The following CHRNB4 variants were observed in gnomAD, a reference collection of about 807,000 sequenced individuals.
CHRNB4 encodes the protein neuronal acetylcholine receptor subunit beta-4.
A neutral mutation model predicts 40.4 loss-of-function variants in CHRNB4; 23 were observed. That is an observed-to-expected ratio of 0.57 (90% CI 0.41 to 0.81). The LOEUF (loss-of-function observed/expected upper bound fraction) is 0.81. Among genes scored for constraint, CHRNB4 ranks in the 30% least tolerant of loss-of-function variants. The pLI, the probability that CHRNB4 is intolerant of heterozygous loss-of-function variation, is 0.00. For missense variants in CHRNB4, 568 were observed against 670.6 expected (o/e 0.85, Z 1.69); for synonymous variants, 285 against 274.4 (o/e 1.04, Z -0.38).
At chr15:78,649,476 A>G in intron 6 of CHRNB4, 2 of 441,546 alleles carry the variant, frequency 4.5e-6, no homozygotes, top group Non-Finnish European at 9.0e-6. Context: ...AAAGCACTAT[A>G]AAAAACAAAA....
At position 78,635,556 on chromosome 15, in the gene CHRNB4, C is replaced by A; in HGVS notation, c.87G>T (p.Lys29Asn). 6.2e-7 allele frequency: 1 copy of A among 1,614,176 alleles called. No individual in the cohort carries two copies. The highest frequency in any genetic ancestry group is 1.1e-5 in the South Asian group (1 of 91,084). ...TTTTGTTCAGAAGGTCGTCCATCAG[C>A]TTTTCCTCCGCATTGGCCACGCGGC... The part of the protein sequence containing the change: ...GNCRVANAEE[K>N]LMDDLLNKTR... The change falls in exon 2 of 6, where the codon AAG (lysine) becomes AAT (asparagine). Residue 29 changes from lysine to asparagine, a missense_variant. By Grantham distance (94) the Lys-to-Asn change is moderately conservative (BLOSUM62 0). This residue lies in a region of CHRNB4 where 161 missense variants were observed against 148.1 expected (regional missense o/e 1.09). Transcript: ENST00000261751.
chr15:78,633,511 A>C (rs2053879409), intron 2 of CHRNB4, among the ~76,000 whole-genome samples: 1 of 152,238 alleles, frequency 6.6e-6, no homozygotes, highest in Non-Finnish European at 1.5e-5. Flanking sequence ...AGGAGGGAGA[A>C]GAAGAATGCA....
At chr15:78,655,450 A>ATATATATC (rs952634645) in intron 5 of CHRNB4, 3 of 121,392 alleles carry the variant, frequency 2.5e-5, no homozygotes, top group Non-Finnish European at 5.4e-5. Flanking sequence ...ATCTATATCT[A>ATATATATC]TATATATCTA....
At chr15:78,659,668 T>A (rs1015856007) in intron 1 of CHRNB4, among the ~76,000 whole-genome samples, 5 of 152,164 alleles carry the variant, frequency 3.3e-5, no homozygotes, top group Non-Finnish European at 1.5e-5. Context: ...TCTTGGCATG[T>A]GAGGCTGATG....
At position 78,631,188 on chromosome 15, in the gene CHRNB4, G is replaced by A; in HGVS notation, c.250-3C>T. 6.2e-7 allele frequency: 1 copy of A among 1,614,046 alleles called. No homozygotes were observed. Among genetic ancestry groups the A allele is most frequent in the Non-Finnish European group, 8.5e-7 (1 of 1,179,916 alleles). On this transcript the variant is annotated splice_polypyrimidine_tract_variant and splice_region_variant and intron_variant, in intron 3 of 5. Transcript: ENST00000261751. ...GTCAGGCGGTAATCAGTCCATTCCT[G>A]GACAGACAGGCAAGGCCCTGTCACT...
chr15:78,639,577 T>G (rs1468825920), intron 1 of CHRNB4, among the ~76,000 whole-genome samples: 1 of 152,208 alleles, frequency 6.6e-6, no homozygotes. Flanking sequence ...GGATTACAAG[T>G]GTGAGCCACC....
intron 5 of CHRNB4, chr15:78,625,873 T>G (rs1393319138): frequency 6.6e-6 from 1 of 152,380 alleles, no homozygotes; most frequent in East Asian, 1.9e-4. Flanking sequence ...TCTTAGATCC[T>G]GCTGCGGGGT....
chr15:78,630,806 G>A (rs777700636), intron 4 of CHRNB4: 25 of 443,858 alleles, frequency 5.6e-5, no homozygotes, highest in Non-Finnish European at 9.5e-5. Flanking sequence ...CAGAAAGGGT[G>A]CTGGGTTCAA....
At chr15:78,633,039 T>C (rs2053867515) in intron 2 of CHRNB4, among the ~76,000 whole-genome samples, 1 of 152,228 alleles carries the variant, frequency 6.6e-6, no homozygotes, top group East Asian at 1.9e-4. Context: ...TACGGGGCCT[T>C]GCCAGGTTTC....
chr15:78,637,688 G>A (rs1387718861), intron 1 of CHRNB4, among the ~76,000 whole-genome samples: 1 of 152,182 alleles, frequency 6.6e-6, no homozygotes, highest in Non-Finnish European at 1.5e-5. Flanking sequence ...GTGCTGGGCT[G>A]GACTCCTGGT....
intron 7 of CHRNB4, among the ~76,000 whole-genome samples, chr15:78,649,078 G>A: frequency 6.6e-6 from 1 of 152,164 alleles, no homozygotes; most frequent in East Asian, 1.9e-4. Context: ...GCTCCCGGCA[G>A]TTCATATTAT....
rs1387576099 is a variant in CHRNB4 at position 78,624,900 on chromosome 15, T to C, written c.*233A>G. The C allele has an allele frequency of 1.4e-6, 2 of 1,412,602 alleles. No individual in the cohort carries two copies. Among genetic ancestry groups the C allele is most frequent in the Admixed American group, 2.6e-5 (1 of 37,790 alleles). 87.5% of individuals were successfully genotyped at this position (1,412,602 alleles called of 1,614,324 possible). ...TGCAGGGAAGGAAGACAGGCCAGAATTGAACTGTCTGAAGCTCCCTCCTAC... is the reference window on the plus strand; with the variant it reads ...TGCAGGGAAGGAAGACAGGCCAGAACTGAACTGTCTGAAGCTCCCTCCTAC... On this transcript the variant is annotated 3_prime_UTR_variant, in exon 6 of 6. Transcript: ENST00000261751.
intron 4 of CHRNB4, 75 bp downstream of exon 4, chr15:78,631,001 C>T: frequency 8.5e-7 from 1 of 1,181,362 alleles, no homozygotes; most frequent in Non-Finnish European, 1.3e-6. Context: ...TGGACTCAGG[C>T]CTGGATGACT....
intron 1 of CHRNB4, among the ~76,000 whole-genome samples, chr15:78,637,803 ACCTGCTG>A (rs2053985750): frequency 6.6e-6 from 1 of 152,130 alleles, no homozygotes; most frequent in Admixed American, 6.5e-5. Context: ...CTCCTAGTGC[ACCTGCTG>A]CCTGCTGCCC....
upstream of CHRNB4, chr15:78,661,539 A>C: frequency 1.9e-6 from 1 of 540,194 alleles, no homozygotes; most frequent in Admixed American, 2.0e-5. Flanking sequence ...CCTCAGGTAG[A>C]TATCCCGGCT....
At chr15:78,648,825 T>C (rs960775854) in intron 7 of CHRNB4, among the ~76,000 whole-genome samples, 1 of 150,930 alleles carries the variant, frequency 6.6e-6, no homozygotes, top group Non-Finnish European at 1.5e-5. Flanking sequence ...GTTGCCCAGG[T>C]TGGAATACAG....
chr15:78,629,895 G>A lies in CHRNB4; in HGVS notation c.410C>T (p.Ser137Phe), dbSNP rs763763985. Residue 137 changes from serine to phenylalanine, a missense_variant, in exon 5 of 6, where the codon TCC becomes TTC. Ser to Phe is a radical substitution (Grantham distance 155, BLOSUM62 -2). Coordinates refer to ENST00000261751, the MANE Select transcript of CHRNB4 (RefSeq NM_000750.5). The surrounding 1 kb of genome is among the most constrained non-coding windows in gnomAD (Gnocchi z 6.8). Reference protein sequence around the residue: ...VSVYTNLIVRSNGSVLWLPPA... With the variant: ...VSVYTNLIVRFNGSVLWLPPA... ...GGGCAGCCACAGGACGCTGCCGTTG[G>A]ACCGGACTATCAAGTTGGTGTAGAC... 1.2e-6 allele frequency: 2 copies of A among 1,611,158 alleles called. No homozygotes were observed. Among genetic ancestry groups the A allele is most frequent in the Non-Finnish European group, 1.7e-6 (2 of 1,179,524 alleles).
At chr15:78,661,422 C>T (rs28375823), upstream of CHRNB4, 2,012 of 520,502 alleles carry the variant, frequency 3.9e-3, 33 homozygotes, top group African/African-American at 0.034. Flanking sequence ...ATCATCTGAG[C>T]AACAGAGTGA....
intron 1 of CHRNB4, among the ~76,000 whole-genome samples, chr15:78,659,935 G>A (rs1015305531): frequency 1.3e-5 from 2 of 152,100 alleles, no homozygotes; most frequent in Non-Finnish European, 1.5e-5. Context: ...TGATGGGTGC[G>A]GTGGCTCATG....
Sources: gnomAD v4.1 joint callset for allele counts (sites outside exome capture counted in the v4.1 genomes callset) on GRCh38, gnomAD v4.1.1 for gene constraint, gnomAD v4.1.1 regional missense constraint, Gnocchi (gnomAD v3.1) non-coding constraint, MANE v1.5 for transcripts, NCBI Gene and HGNC (gene_info 2026-07-23, HGNC 2026-07-21) for gene names.